RABGAP1L: variants seen among roughly 807,000 people sequenced by gnomAD.
RABGAP1L encodes the protein rab GTPase-activating protein 1-like.
Under a neutral mutation model 137.7 loss-of-function variants are expected in RABGAP1L, and 63 were observed. The observed-to-expected ratio is 0.46, with a 90% CI of 0.37 to 0.56. The LOEUF is 0.56. RABGAP1L is among the 20% of genes least tolerant of loss of function. The pLI, the probability that RABGAP1L is intolerant of heterozygous loss-of-function variation, is 0.00. For missense variants in RABGAP1L, 1,095 were observed against 1,244.0 expected (o/e 0.88, Z 1.80); for synonymous variants, 431 against 433.7 (o/e 0.99, Z 0.08).
At chr1:174,266,044 C>T (rs80071701) in intron 7 of RABGAP1L, among the ~76,000 whole-genome samples, 9,209 of 152,140 alleles carry the variant, frequency 0.061, 976 homozygotes, top group African/African-American at 0.21. Flanking sequence ...TCTGGAGAGA[C>T]TCCTTCTTCC....
At chr1:174,784,011 C>CTT (rs3085670) in intron 18 of RABGAP1L, among the ~76,000 whole-genome samples, 1,115 of 52,106 alleles carry the variant, frequency 0.021, 221 homozygotes, top group African/African-American at 0.075. Flanking sequence ...TCTTCTTCTT[C>CTT]TTTTTTTTTT....
intron 19 of RABGAP1L, among the ~76,000 whole-genome samples, chr1:174,912,504 A>G (rs931927398): frequency 6.6e-6 from 1 of 152,214 alleles, no homozygotes; most frequent in African/African-American, 2.4e-5. Context: ...GAAATGTCTT[A>G]TGACTTAAAA....
rs1672274409 is a variant in RABGAP1L at position 174,246,493 on chromosome 1, A to T, written c.718-3982A>T. On this transcript the variant is annotated intron_variant, in intron 5 of 25. Coordinates refer to ENST00000681986, the MANE Select transcript of RABGAP1L (RefSeq NM_001366446.1). ...GATTCTACATCCATGGAGTCAACTA[A>T]CCATGGCTTTAAAATATTTGATAAA... 5 of 152,172 alleles carry T rather than the reference A, an allele frequency of 3.3e-5. No homozygotes were observed. In the South Asian group the frequency reaches 1.0e-3, roughly 32 times the overall value. The allele number at this position is 152,172 out of a possible 1,614,324, so 9.4% of individuals were successfully genotyped here.
intron 20 of RABGAP1L, among the ~76,000 whole-genome samples, chr1:174,960,540 G>A (rs1236963983): frequency 6.6e-6 from 1 of 152,042 alleles, no homozygotes; most frequent in East Asian, 1.9e-4. Flanking sequence ...TCTGGAATTA[G>A]GAAGTAGTGA....
chr1:174,719,279 G>A (rs767771081), intron 17 of RABGAP1L, among the ~76,000 whole-genome samples: 22 of 152,096 alleles, frequency 1.4e-4, no homozygotes, highest in Non-Finnish European at 2.5e-4. Flanking sequence ...AATAATTAAA[G>A]ATAAAATTGG....
At chr1:174,452,608 CTGGA>C (rs1325785942) in intron 13 of RABGAP1L, among the ~76,000 whole-genome samples, 1 of 152,092 alleles carries the variant, frequency 6.6e-6, no homozygotes, top group Non-Finnish European at 1.5e-5. Context: ...GTTGCCCAGG[CTGGA>C]GTGCAGTGGC....
At chr1:174,521,956 G>A (rs1181063775) in intron 13 of RABGAP1L, among the ~76,000 whole-genome samples, 1 of 152,092 alleles carries the variant, frequency 6.6e-6, no homozygotes, top group African/African-American at 2.4e-5. Flanking sequence ...GTGCGCACCT[G>A]TAATCTCAGC....
At chr1:174,849,413 G>A (rs1052831685) in intron 19 of RABGAP1L, among the ~76,000 whole-genome samples, 18 of 152,068 alleles carry the variant, frequency 1.2e-4, no homozygotes, top group Non-Finnish European at 2.4e-4. Flanking sequence ...AAAATAACAC[G>A]CTCTTTTACT....
intron 13 of RABGAP1L, among the ~76,000 whole-genome samples, chr1:174,427,575 G>A (rs1652112403): frequency 6.6e-6 from 1 of 151,974 alleles, no homozygotes; most frequent in Non-Finnish European, 1.5e-5. Flanking sequence ...GGCATATGTA[G>A]GTCAGTTCCT....
intron 18 of RABGAP1L, among the ~76,000 whole-genome samples, chr1:174,760,838 T>C (rs757963994): frequency 5.9e-5 from 9 of 152,306 alleles, no homozygotes; most frequent in Non-Finnish European, 8.8e-5. Flanking sequence ...GCATCTGTTG[T>C]TTTTTGGCTT....
chr1:174,691,208 A>C (rs1466203411), intron 15 of RABGAP1L, among the ~76,000 whole-genome samples: 1 of 152,232 alleles, frequency 6.6e-6, no homozygotes, highest in Non-Finnish European at 1.5e-5. Context: ...CATTCCAAAA[A>C]GATGTGAAAC....
intron 18 of RABGAP1L, among the ~76,000 whole-genome samples, chr1:174,752,975 A>T (rs900379343): frequency 4.6e-5 from 7 of 152,224 alleles, no homozygotes; most frequent in African/African-American, 7.2e-5. Context: ...CAGAGAAGAC[A>T]TTCTGATATT....
At chr1:174,738,666 C>T (rs1441793764) in intron 17 of RABGAP1L, among the ~76,000 whole-genome samples, 1 of 152,144 alleles carries the variant, frequency 6.6e-6, no homozygotes, top group East Asian at 1.9e-4. Flanking sequence ...AGACACTTAA[C>T]TAAGCTAGTT....
rs1360191136 is a variant in RABGAP1L, at chr1:174,748,511, C to T, written c.2170-3802C>T. 4.6e-5 allele frequency among the ~76,000 whole-genome samples: 7 copies of T among 152,134 alleles called. No individual in the cohort carries two copies. In the East Asian group the frequency reaches 1.4e-3, roughly 29 times the overall value. ...GATCCATGACACAGCCTCAGGAGGT[C>T]CTGAGAACATGTGCCCAAGGTGATT... On this transcript the variant is annotated intron_variant, in intron 17 of 25. Coordinates refer to ENST00000681986, the MANE Select transcript of RABGAP1L (RefSeq NM_001366446.1).
At position 174,924,403 on chromosome 1, in the gene RABGAP1L, AAAAG is replaced by A. The variant is rs1388518009; in HGVS notation, c.2341-33052_2341-33049del. Among the ~76,000 whole-genome samples, 7 of 151,554 alleles carry A rather than the reference AAAAG, an allele frequency of 4.6e-5. No homozygotes were observed. The East Asian group carries it at 1.4e-3, about 29-fold the overall frequency. On this transcript the variant is annotated intron_variant, in intron 19 of 25. Coordinates refer to ENST00000681986, the MANE Select transcript of RABGAP1L (RefSeq NM_001366446.1). ...TCTGTCTCAAAAAAAAAAAAAAAAA[AAAAG>A]AGAGAGATACAAAGTACTACTGAAA...
At chr1:174,890,968 G>A (rs1480169351) in intron 19 of RABGAP1L, among the ~76,000 whole-genome samples, 1 of 152,184 alleles carries the variant, frequency 6.6e-6, no homozygotes, top group Non-Finnish European at 1.5e-5. Context: ...ACAAAAGTGT[G>A]TGAGTATATC....
intron 19 of RABGAP1L, among the ~76,000 whole-genome samples, chr1:174,937,106 G>C (rs776141473): frequency 2.4e-4 from 36 of 146,984 alleles, no homozygotes; most frequent in Non-Finnish European, 4.3e-4. Context: ...AGCCTCCTGA[G>C]CAGCTGTGAC....
At position 174,448,327 on chromosome 1, in the gene RABGAP1L, T is replaced by A. The variant is rs530844448; in HGVS notation, c.1710+54182T>A. 4 of 1,613,788 alleles carry A rather than the reference T, an allele frequency of 2.5e-6. No homozygotes were observed. The South Asian group carries it at 4.4e-5, about 18-fold the overall frequency. ...TCTTTCATTGTGCTCCACTGTTACATCATTATACTACCAGCTATTTCATTC... is the reference window on the plus strand; with the variant it reads ...TCTTTCATTGTGCTCCACTGTTACAACATTATACTACCAGCTATTTCATTC... On this transcript the variant is annotated intron_variant, in intron 13 of 25. Coordinates refer to ENST00000681986, the MANE Select transcript of RABGAP1L (RefSeq NM_001366446.1). The surrounding 1 kb of genome is among the most constrained non-coding windows in gnomAD (Gnocchi z 4.2).
intron 11 of RABGAP1L, among the ~76,000 whole-genome samples, chr1:174,311,371 A>G (rs948833330): frequency 1.3e-5 from 2 of 152,140 alleles, no homozygotes; most frequent in Non-Finnish European, 1.5e-5. Flanking sequence ...GTCACCTTCT[A>G]CTAGGTCTGT....
Sources: gnomAD v4.1 joint callset for allele counts (sites outside exome capture counted in the v4.1 genomes callset) on GRCh38, gnomAD v4.1.1 for gene constraint, Gnocchi (gnomAD v3.1) non-coding constraint, MANE v1.5 for transcripts, NCBI Gene and HGNC (gene_info 2026-07-23, HGNC 2026-07-21) for gene names.